DRAM2: variants seen among roughly 807,000 people sequenced by gnomAD.
DRAM2 encodes DNA damage regulated autophagy modulator 2.
DRAM2 carries 26 observed loss-of-function variants against 33.5 expected under a neutral mutation model. That is an observed-to-expected ratio of 0.78 (90% CI 0.57 to 1.08). The LOEUF is 1.08. Ranked by LOEUF, DRAM2 falls within the 50% of genes least tolerant of loss-of-function variation. The pLI is 0.00. For missense variants in DRAM2, 311 were observed against 318.1 expected (o/e 0.98, Z 0.17); for synonymous variants, 98 against 109.5 (o/e 0.89, Z 0.66).
At chr1:111,136,054 T>C (rs1447104048) in intron 3 of DRAM2, among the ~76,000 whole-genome samples, 1 of 152,230 alleles carries the variant, frequency 6.6e-6, no homozygotes, top group Non-Finnish European at 1.5e-5. Context: ...CTACAAGTCA[T>C]TTAAACCATT....
chr1:111,120,963 T>A (rs1649935159), intron 6 of DRAM2, among the ~76,000 whole-genome samples: 1 of 152,088 alleles, frequency 6.6e-6, no homozygotes, highest in South Asian at 2.1e-4. Flanking sequence ...CATTTAATAA[T>A]ATGTTTACTT....
intron 8 of DRAM2, 74 bp from the exon 9 acceptor site, chr1:111,118,971 A>T: frequency 1.0e-6 from 1 of 973,606 alleles, no homozygotes; most frequent in South Asian, 2.2e-5. Context: ...TTCAAATAAA[A>T]AACACACAAT....
In DRAM2 at chr1:111,119,953, G is replaced by A; in HGVS notation, c.524C>T (p.Thr175Ile). The change falls in exon 8 of 10, where the codon ACT becomes ATT. Residue 175 changes from threonine (T) to isoleucine (I), a missense_variant. Coordinates refer to ENST00000484310, the MANE Select transcript of DRAM2 (RefSeq NM_001349884.2). ...GCCACTGTGCAAAACTGATGAGCAAGTCAGCACTATAAAAACATAAGTCAA... is the reference window on the plus strand; with the variant it reads ...GCCACTGTGCAAAACTGATGAGCAAATCAGCACTATAAAAACATAAGTCAA... ...WCGVSALSML[T>I]CSSVLHSGNF... 6.2e-7 allele frequency: 1 copy of A among 1,612,290 alleles called. No homozygotes were observed. The highest frequency in any genetic ancestry group is 1.1e-5 in the South Asian group (1 of 90,984).
chr1:111,130,926 G>T (rs1304690157), intron 4 of DRAM2, among the ~76,000 whole-genome samples: 1 of 151,126 alleles, frequency 6.6e-6, no homozygotes, highest in Non-Finnish European at 1.5e-5. Context: ...AGAATCGCTT[G>T]AACTCGGGAG....
intron 3 of DRAM2, among the ~76,000 whole-genome samples, chr1:111,135,490 T>C (rs1004061701): frequency 2.0e-5 from 3 of 152,218 alleles, no homozygotes; most frequent in Admixed American, 6.5e-5. Context: ...CTGTCTTTCG[T>C]AGAAGACCTG....
chr1:111,132,965 C>G (rs1170575004), intron 3 of DRAM2, among the ~76,000 whole-genome samples: 2 of 152,042 alleles, frequency 1.3e-5, no homozygotes, highest in Non-Finnish European at 2.9e-5. Flanking sequence ...TAGGTATGAG[C>G]CACCCAGCCA....
chr1:111,123,879 C>T (rs772627295), intron 6 of DRAM2, among the ~76,000 whole-genome samples: 20 of 152,172 alleles, frequency 1.3e-4, no homozygotes, highest in Admixed American at 4.6e-4. Context: ...TGCTTTCCAT[C>T]ATGTGTAAGC....
intron 2 of DRAM2, among the ~76,000 whole-genome samples, 180 bp downstream of exon 2, chr1:111,139,321 G>A (rs150737151): frequency 1.3e-5 from 2 of 152,278 alleles, no homozygotes; most frequent in Non-Finnish European, 2.9e-5. Flanking sequence ...TTGAAAGCAC[G>A]GTTGTGAAGA....
At position 111,124,757 on chromosome 1, in the gene DRAM2, A is replaced by T; in HGVS notation, c.324T>A (p.Ile108=). ...LGILSCLGLS[I]VANFQKTTLF... ...AAACACAAACCTGGAAGTTTGCCAC[A>T]ATAGAAAGTCCTAAACAACTCAGTA... The change falls in exon 6 of 10, where the codon ATT becomes ATA. Residue 108 remains isoleucine, a synonymous_variant. Transcript: ENST00000484310. The T allele has an allele frequency of 6.2e-7, 1 of 1,613,446 alleles. No individual in the cohort carries two copies. Among genetic ancestry groups the T allele is most frequent in the Non-Finnish European group, 8.5e-7 (1 of 1,179,618 alleles).
Position 111,126,304 on chromosome 1 carries a change from A to G in DRAM2, c.132-10T>C, listed in dbSNP as rs760003035. The G allele has an allele frequency of 5.7e-6, 9 of 1,585,286 alleles. No homozygotes were observed. The highest frequency in any genetic ancestry group is 3.4e-5 in the Admixed American group (2 of 59,530). ...TACTGTACCAGTGTCACTGAAAGAAAAAAAGGAAGGTATGTGGATTTCTCA... is the reference window on the plus strand; with the variant it reads ...TACTGTACCAGTGTCACTGAAAGAAGAAAAGGAAGGTATGTGGATTTCTCA... On this transcript the variant is annotated splice_polypyrimidine_tract_variant and intron_variant, in intron 4 of 9. Transcript: ENST00000484310.
chr1:111,121,040 A>G (rs1240265348), intron 6 of DRAM2, among the ~76,000 whole-genome samples: 1 of 152,058 alleles, frequency 6.6e-6, no homozygotes, highest in Non-Finnish European at 1.5e-5. Flanking sequence ...ACAGGCAAAA[A>G]TCCAGCTCTG....
chr1:111,134,617 G>C (rs1041449555), intron 3 of DRAM2, among the ~76,000 whole-genome samples: 4 of 151,868 alleles, frequency 2.6e-5, no homozygotes, highest in African/African-American at 9.7e-5. Flanking sequence ...CAGGACAAGA[G>C]TTCTTAATTT....
chr1:111,137,238 C>T (rs551830210), intron 3 of DRAM2, among the ~76,000 whole-genome samples: 4 of 124,086 alleles, frequency 3.2e-5, no homozygotes, highest in African/African-American at 1.3e-4. Context: ...TGGGCGACAG[C>T]GAGATTCCAT....
intron 3 of DRAM2, 109 bp from the exon 4 acceptor site, chr1:111,131,677 T>A: frequency 9.9e-7 from 1 of 1,010,258 alleles, no homozygotes; most frequent in South Asian, 1.6e-5. Flanking sequence ...CTGTTTCACC[T>A]CTGAAATCAT....
At position 111,117,929 on chromosome 1, in the gene DRAM2, T is replaced by C; in HGVS notation, c.*231A>G. 1 of 522,798 alleles carries C rather than the reference T, an allele frequency of 1.9e-6. No homozygotes were observed. Among genetic ancestry groups the C allele is most frequent in the Non-Finnish European group, 3.4e-6 (1 of 294,588 alleles). The allele number at this position is 522,798 out of a possible 1,614,324, so 32.4% of individuals were successfully genotyped here. ...ATATCATAGTCTTTTGACTTTATTT[T>C]CTGAGATAAAAAAGTATAGGCATAG... On this transcript the variant is annotated 3_prime_UTR_variant, in exon 10 of 10. Transcript: ENST00000484310.
chr1:111,138,872 A>G (rs529667416), intron 2 of DRAM2, among the ~76,000 whole-genome samples: 3 of 152,334 alleles, frequency 2.0e-5, no homozygotes, highest in East Asian at 3.9e-4. Flanking sequence ...TGTGATTACA[A>G]TTTTTTAACA....
chr1:111,124,711 GA>G, intron 6 of DRAM2, 30 bp downstream of exon 6: 1 of 1,610,602 alleles, frequency 6.2e-7, no homozygotes, highest in Non-Finnish European at 8.5e-7. Context: ...TGTACTTAAG[GA>G]AAATACCTAT....
At chr1:111,134,477 T>C (rs1018599011) in intron 3 of DRAM2, among the ~76,000 whole-genome samples, 252 of 151,876 alleles carry the variant, frequency 1.7e-3, no homozygotes, top group African/African-American at 6.0e-3. Context: ...CATTTCATAA[T>C]CTTCTCTTTT....
rs1270294817 is a variant in DRAM2, at chr1:111,120,630, A to G, written c.403T>C (p.Tyr135His). ...AVLTFGMGSL[Y>H]MFVQTILSYQ... ...GAAAGGATGGTCTGAACAAACATAT[A>G]TAATGAGCCCATACCAAAGGTAAGC... The change falls in exon 7 of 10, where the codon TAT (tyrosine) becomes CAT (histidine). Residue 135 changes from tyrosine to histidine, a missense_variant. Transcript: ENST00000484310. 9.3e-6 allele frequency: 15 copies of G among 1,611,470 alleles called. No homozygotes were observed. The highest frequency in any genetic ancestry group is 1.3e-5 in the Non-Finnish European group (15 of 1,178,496).
Sources: gnomAD v4.1 joint callset for allele counts (sites outside exome capture counted in the v4.1 genomes callset) on GRCh38, gnomAD v4.1.1 for gene constraint, MANE v1.5 for transcripts, NCBI Gene and HGNC (gene_info 2026-07-23, HGNC 2026-07-21) for gene names.